NFKBIB: variants seen among roughly 807,000 people sequenced by gnomAD.
NFKBIB encodes NF-kappa-B inhibitor beta.
Under a neutral mutation model 32.1 loss-of-function variants are expected in NFKBIB, and 16 were observed. The ratio of observed to expected loss-of-function variants is 0.50; its 90% CI spans 0.34 to 0.76. NFKBIB has a LOEUF of 0.76. NFKBIB is among the 30% of genes least tolerant of loss of function. The probability of loss-of-function intolerance (pLI) is 0.01; values close to 1 mark genes in which losing one functional copy is unlikely to be tolerated. For missense variants in NFKBIB, 437 were observed against 514.9 expected, an observed-to-expected ratio of 0.85 and a Z score of 1.46; for synonymous variants, 222 against 219.5, an observed-to-expected ratio of 1.01 and a Z score of -0.10.
chr19:38,908,203 G>A (rs1243263456), intron 5 of NFKBIB: 3 of 993,840 alleles, frequency 3.0e-6, no homozygotes, highest in Non-Finnish European at 3.6e-6. Flanking sequence ...CCGAAACTCT[G>A]GAGTGGCGGC....
chr19:38,908,888 A>G lies in NFKBIB; in HGVS notation c.*56A>G. 1.2e-6 allele frequency: 2 copies of G among 1,606,754 alleles called. No homozygotes were observed. Among genetic ancestry groups the G allele is most frequent in the Non-Finnish European group, 1.7e-6 (2 of 1,177,418 alleles). On this transcript the variant is annotated 3_prime_UTR_variant, in exon 6 of 6. Transcript: ENST00000313582. ...TAATAAACAAAACCCTAGTTCTGAC[A>G]ACCAGAGACCAGACTGATCTTGTCT... is the stretch of plus-strand genomic sequence containing the variant.
At chr19:38,900,792 C>G (rs1973928890) in intron 1 of NFKBIB, among the ~76,000 whole-genome samples, 2 of 152,310 alleles carry the variant, frequency 1.3e-5, no homozygotes, top group South Asian at 4.1e-4. Context: ...CACATTACCA[C>G]GTTCCAGGCT....
chr19:38,905,328 G>C lies in NFKBIB; in HGVS notation c.412G>C (p.Gly138Arg). 1.9e-6 allele frequency: 3 copies of C among 1,610,058 alleles called. No homozygotes were observed. The highest frequency in any genetic ancestry group is 2.5e-6 in the Non-Finnish European group (3 of 1,178,812). Residue 138 changes from glycine to arginine, a missense_variant, in exon 3 of 6, where the codon GGG (glycine) becomes CGG (arginine). Physicochemically the swap from Gly to Arg is moderately radical, Grantham distance 125. Coordinates refer to ENST00000313582, the MANE Select transcript of NFKBIB (RefSeq NM_002503.5). This position sits in a 1 kb window ranked among gnomAD's most constrained non-coding sequence, Gnocchi z 5.5. ...GGCGCTGCACCTGGCCTGCCGTGTG[G>C]GGGCACACGCCTGTGCCCGTGCCCT... ...HTALHLACRV[G>R]AHACARALLQ...
intron 3 of NFKBIB, 41 bp from the exon 4 acceptor site, chr19:38,907,180 G>A (rs781718659): frequency 2.0e-6 from 3 of 1,537,222 alleles, no homozygotes; most frequent in South Asian, 1.1e-5. Context: ...GGTGGGGGGG[G>A]CCCTCACCTC....
upstream of NFKBIB, chr19:38,899,747 A>G (rs1249894629): frequency 1.4e-5 from 10 of 722,650 alleles, no homozygotes; most frequent in Admixed American, 2.3e-5. Context: ...TAGGTAAGAA[A>G]GCGCGCGAGG....
chr19:38,903,460 G>T (rs1044512171), intron 1 of NFKBIB, among the ~76,000 whole-genome samples: 5 of 151,812 alleles, frequency 3.3e-5, no homozygotes, highest in African/African-American at 1.2e-4. Flanking sequence ...AATTTTTTTT[G>T]TATTTTTTGT....
intron 3 of NFKBIB, 135 bp from the exon 4 acceptor site, chr19:38,907,086 C>A: frequency 1.3e-6 from 1 of 782,074 alleles, no homozygotes; most frequent in South Asian, 1.8e-5. Context: ...TACCTCTTTG[C>A]CATACCCAAG....
rs763690302 is a variant in NFKBIB at position 38,907,180 on chromosome 19, G to GC, written c.620-38dup. The GC allele has an allele frequency of 3.3e-6, 5 of 1,537,108 alleles. No individual in the cohort carries two copies. In the Admixed American group the frequency reaches 6.8e-5, roughly 21 times the overall value. On this transcript the variant is annotated intron_variant, in intron 3 of 5. Transcript: ENST00000313582. ...ATCAAAGCACGGTGGGGTGGGGGGGGCCCTCACCTCATCATCTGACGCCAA... is the reference window on the plus strand; with the variant it reads ...ATCAAAGCACGGTGGGGTGGGGGGGGCCCCTCACCTCATCATCTGACGCCAA...
Position 38,900,231 on chromosome 19 carries a change from C to T in NFKBIB, c.179+20C>T, listed in dbSNP as rs1360582976. On this transcript the variant is annotated intron_variant, in intron 1 of 5. Coordinates refer to ENST00000313582, the MANE Select transcript of NFKBIB (RefSeq NM_002503.5). ...GGACACGTGAGTGAACCTTAGGCTGCCAAACGGAGCCCTAGGACCCGGCGT... is the reference window on the plus strand; with the variant it reads ...GGACACGTGAGTGAACCTTAGGCTGTCAAACGGAGCCCTAGGACCCGGCGT... 1.3e-6 allele frequency: 2 copies of T among 1,572,648 alleles called. No individual in the cohort carries two copies. The highest frequency in any genetic ancestry group is 1.4e-5 in the African/African-American group (1 of 73,228).
rs536630766 is a variant in NFKBIB at position 38,905,132 on chromosome 19, G to C, written c.285+12G>C. 1 of 1,614,066 alleles carries C rather than the reference G, an allele frequency of 6.2e-7. No individual in the cohort carries two copies. The highest frequency in any genetic ancestry group is 1.1e-5 in the South Asian group (1 of 91,074). On this transcript the variant is annotated intron_variant, in intron 2 of 5. Coordinates refer to ENST00000313582, the MANE Select transcript of NFKBIB (RefSeq NM_002503.5). This position sits in a 1 kb window ranked among gnomAD's most constrained non-coding sequence, Gnocchi z 5.5. ...ATGACCTAGGCCAGGTGAGCCACGA[G>C]GGATGGTGTAGGGCTTGGGGTCCAG...
intron 1 of NFKBIB, among the ~76,000 whole-genome samples, chr19:38,903,188 C>T (rs550326877): frequency 6.6e-6 from 1 of 152,274 alleles, no homozygotes; most frequent in East Asian, 1.9e-4. Flanking sequence ...TTTGCTGACT[C>T]CTGCTGTAGG....
At chr19:38,904,020 C>T (rs1288256997) in intron 1 of NFKBIB, among the ~76,000 whole-genome samples, 2 of 151,864 alleles carry the variant, frequency 1.3e-5, no homozygotes, top group Non-Finnish European at 2.9e-5. Context: ...CAGTGAGCCA[C>T]GATCGTGTCA....
At chr19:38,902,048 A>T (rs1204941010) in intron 1 of NFKBIB, among the ~76,000 whole-genome samples, 4 of 134,928 alleles carry the variant, frequency 3.0e-5, no homozygotes, top group African/African-American at 5.5e-5. Context: ...TTTTTTTTCA[A>T]TCCTGCTCCT....
rs760230683 is a variant in NFKBIB, at chr19:38,905,246, G to A, written c.330G>A (p.Val110=). Residue 110 remains valine, a synonymous_variant, in exon 3 of 6, where the codon GTG becomes GTA. Transcript: ENST00000313582. The surrounding 1 kb of genome is among the most constrained non-coding windows in gnomAD (Gnocchi z 5.5). The part of the protein sequence containing the change: ...LAAILGETST[V]EKLYAAGAGL... ...CCATCCTGGGGGAGACATCCACGGT[G>A]GAGAAGCTGTACGCAGCAGGCGCCG... 6.3e-7 allele frequency: 1 copy of A among 1,590,722 alleles called. No individual in the cohort carries two copies. Among genetic ancestry groups the A allele is most frequent in the South Asian group, 1.1e-5 (1 of 87,436 alleles).
At chr19:38,899,672 C>G, upstream of NFKBIB, 1 of 1,055,554 alleles carries the variant, frequency 9.5e-7, no homozygotes, top group Admixed American at 2.0e-5. Flanking sequence ...GGGCACAGAA[C>G]TACAACTCTC....
intron 1 of NFKBIB, among the ~76,000 whole-genome samples, chr19:38,903,485 A>G (rs888993472): frequency 6.6e-6 from 1 of 151,976 alleles, no homozygotes; most frequent in African/African-American, 2.4e-5. Flanking sequence ...ACAGGGTCTC[A>G]TCGTGTTGGC....
At chr19:38,903,875 C>T (rs1974036933) in intron 1 of NFKBIB, among the ~76,000 whole-genome samples, 1 of 151,864 alleles carries the variant, frequency 6.6e-6, no homozygotes, top group African/African-American at 2.4e-5. Flanking sequence ...TCAAGATCAG[C>T]CTGGCCAACA....
intron 5 of NFKBIB, chr19:38,907,866 C>T (rs1698749987): frequency 7.1e-7 from 1 of 1,403,740 alleles, no homozygotes; most frequent in Non-Finnish European, 9.3e-7. Context: ...AAAACTAAGG[C>T]AGTGGCAAAG....
At chr19:38,906,631 A>G (rs1974131852) in intron 3 of NFKBIB, among the ~76,000 whole-genome samples, 2 of 150,914 alleles carry the variant, frequency 1.3e-5, no homozygotes, top group Non-Finnish European at 2.9e-5. Flanking sequence ...CACCATGCCC[A>G]GCTAATTTTT....
Sources: gnomAD v4.1 joint callset for allele counts (sites outside exome capture counted in the v4.1 genomes callset) on GRCh38, gnomAD v4.1.1 for gene constraint, Gnocchi (gnomAD v3.1) non-coding constraint, MANE v1.5 for transcripts, NCBI Gene and HGNC (gene_info 2026-07-23, HGNC 2026-07-21) for gene names.